ADAMTSL1: variants seen among roughly 807,000 people sequenced by gnomAD.
ADAMTSL1 encodes the protein ADAMTS like 1, also known as ADAMTS-like protein 1.
A neutral mutation model predicts 201.8 loss-of-function variants in ADAMTSL1; 126 were observed. That is an observed-to-expected ratio of 0.62 (90% CI 0.54 to 0.72). The LOEUF is 0.72. ADAMTSL1 is among the 30% of genes least tolerant of loss of function. The probability of loss-of-function intolerance (pLI) is 0.00; values close to 1 mark genes in which losing one functional copy is unlikely to be tolerated. For missense variants in ADAMTSL1, 2,679 were observed against 2,277.8 expected (o/e 1.18, Z -3.59); for synonymous variants, 1,121 against 903.4 (o/e 1.24, Z -4.32).
In ADAMTSL1 at chr9:18,729,856, T is replaced by C. The variant is rs563562095; in HGVS notation, c.2006+8191T>C. Among the ~76,000 whole-genome samples, 75 of 152,300 alleles carry C rather than the reference T, an allele frequency of 4.9e-4. 3 individuals carry two copies. The East Asian group carries it at 0.01, about 21-fold the overall frequency. On this transcript the variant is annotated intron_variant, in intron 15 of 28. Transcript: ENST00000380548. Reference sequence around the variant, plus strand: ...AGTTCTTCATTGCACTAAGAGTTGATGTATCTGTACCAGTTATCAACCTCA... The same window carrying C: ...AGTTCTTCATTGCACTAAGAGTTGACGTATCTGTACCAGTTATCAACCTCA...
At chr9:18,291,872 A>T (rs1833287825) in intron 2 of ADAMTSL1, among the ~76,000 whole-genome samples, 1 of 152,040 alleles carries the variant, frequency 6.6e-6, no homozygotes, top group Non-Finnish European at 1.5e-5. Flanking sequence ...CTGTCTGGTG[A>T]GAGTCTGGCC....
At chr9:18,634,239 TA>T (rs903358474) in intron 5 of ADAMTSL1, among the ~76,000 whole-genome samples, 1 of 152,016 alleles carries the variant, frequency 6.6e-6, no homozygotes, top group African/African-American at 2.4e-5. Flanking sequence ...CTTCCAATGA[TA>T]GGATAATTAT....
chr9:18,266,905 C>T (rs1484758819), intron 2 of ADAMTSL1, among the ~76,000 whole-genome samples: 5 of 152,152 alleles, frequency 3.3e-5, no homozygotes, highest in Admixed American at 1.3e-4. Flanking sequence ...CTTGCAATAA[C>T]TTCTCGAGTC....
chr9:18,410,663 A>G (rs568379650), intron 2 of ADAMTSL1, among the ~76,000 whole-genome samples: 2 of 152,292 alleles, frequency 1.3e-5, no homozygotes, highest in East Asian at 1.9e-4. Flanking sequence ...GCTATTGTAA[A>G]TAGTGCTACA....
At chr9:18,638,544 A>G (rs1042625158) in intron 6 of ADAMTSL1, among the ~76,000 whole-genome samples, 1 of 152,112 alleles carries the variant, frequency 6.6e-6, no homozygotes, top group Non-Finnish European at 1.5e-5. Context: ...CTGATTTTCT[A>G]CAACAAAACA....
rs201351369 is a variant in ADAMTSL1, at chr9:18,680,309, T to G, written c.1137-3T>G. 18 of 1,613,678 alleles carry G rather than the reference T, an allele frequency of 1.1e-5. No individual in the cohort carries two copies. ...GCCCTGATGACTCCCCTTGCTTCTG[T>G]AGGTGGGAGGCCACCCCATGGACCG... On this transcript the variant is annotated splice_region_variant and splice_polypyrimidine_tract_variant and intron_variant, in intron 10 of 28. Coordinates refer to ENST00000380548, the MANE Select transcript of ADAMTSL1 (RefSeq NM_001040272.6).
In ADAMTSL1 at chr9:18,186,081, A is replaced by T. The variant is rs34162850; in HGVS notation, c.207+22100A>T. 2.3e-3 allele frequency among the ~76,000 whole-genome samples: 355 copies of T among 152,270 alleles called. 1 individual carries two copies. Among genetic ancestry groups the T allele is most frequent in the Non-Finnish European group, 4.1e-3 (278 of 68,004 alleles). Reference sequence around the variant, plus strand: ...GTTATGATAAAAGCTTGAGCTGAGAATTCAAGTACCACGTATTTCTGTGCA... The same window carrying T: ...GTTATGATAAAAGCTTGAGCTGAGATTTCAAGTACCACGTATTTCTGTGCA... On this transcript the variant is annotated intron_variant, in intron 2 of 29. Coordinates refer to the ADAMTSL1 transcript ENST00000680146.
intron 1 of ADAMTSL1, among the ~76,000 whole-genome samples, chr9:18,000,279 T>A: frequency 7.2e-6 from 1 of 139,392 alleles, no homozygotes; most frequent in African/African-American, 3.4e-5. Context: ...GTTTCCTGAC[T>A]TTTTAATGAT....
chr9:18,437,736 G>C (rs890945879), intron 2 of ADAMTSL1, among the ~76,000 whole-genome samples: 4 of 152,040 alleles, frequency 2.6e-5, no homozygotes, highest in Non-Finnish European at 4.4e-5. Context: ...CCAGAACAGT[G>C]ATAAGCAAGG....
rs151103863 is a variant in ADAMTSL1 at position 18,423,562 on chromosome 9, G to A, written c.208-81267G>A. ...CTTTTGGAGGCGAGGCATTGTACTA[G>A]GCACTTTGAGGGATGCAGCTCCTTA... On this transcript the variant is annotated intron_variant, in intron 2 of 29. Transcript: ENST00000680146. 9.1e-4 allele frequency among the ~76,000 whole-genome samples: 139 copies of A among 152,294 alleles called. 2 individuals are homozygous for A. The highest frequency in any genetic ancestry group is 3.0e-3 in the African/African-American group (126 of 41,564).
At chr9:18,150,306 G>C (rs768627810) in intron 1 of ADAMTSL1, among the ~76,000 whole-genome samples, 1 of 152,088 alleles carries the variant, frequency 6.6e-6, no homozygotes, top group Non-Finnish European at 1.5e-5. Context: ...ACGGAAGACA[G>C]TCTGAAGGGT....
chr9:18,591,235 A>C (rs1186469601), intron 4 of ADAMTSL1, among the ~76,000 whole-genome samples: 2 of 152,136 alleles, frequency 1.3e-5, no homozygotes, highest in African/African-American at 4.8e-5. Flanking sequence ...CTATTGTTAC[A>C]TCCTCTTGCT....
intron 2 of ADAMTSL1, among the ~76,000 whole-genome samples, chr9:18,298,000 G>A (rs1048987039): frequency 6.6e-6 from 1 of 152,168 alleles, no homozygotes; most frequent in Non-Finnish European, 1.5e-5. Flanking sequence ...AGATGATAAA[G>A]TAGCATCATA....
At chr9:18,065,808 C>T (rs1822668027) in intron 1 of ADAMTSL1, among the ~76,000 whole-genome samples, 1 of 152,068 alleles carries the variant, frequency 6.6e-6, no homozygotes, top group South Asian at 2.1e-4. Flanking sequence ...TGGCAAAACC[C>T]TGTCTCTATT....
At chr9:18,667,912 A>G (rs570173050) in intron 9 of ADAMTSL1, among the ~76,000 whole-genome samples, 1 of 152,284 alleles carries the variant, frequency 6.6e-6, no homozygotes, top group South Asian at 2.1e-4. Flanking sequence ...TATAATGATC[A>G]CAAGAAATTA....
rs1195899992 is a variant in ADAMTSL1 at position 18,829,846 on chromosome 9, C to G, written c.4118C>G (p.Pro1373Arg). ...TCCACCCTCTGCCTTCTCACAGATC[C>G]CCCCCAAGTCCCCACACAGTTGGAA... Reference protein sequence around the residue: ...TESTQLLILDPPQVPTQLEDI... With the variant: ...TESTQLLILDRPQVPTQLEDI... Residue 1373 changes from proline to arginine, a missense_variant, in exon 23 of 29, where the codon CCC becomes CGC. Transcript: ENST00000380548. The G allele has an allele frequency of 6.2e-7, 1 of 1,613,958 alleles. No homozygotes were observed. Among genetic ancestry groups the G allele is most frequent in the East Asian group, 2.2e-5 (1 of 44,876 alleles).
chr9:17,936,927 G>C (rs1827034008), intron 1 of ADAMTSL1, among the ~76,000 whole-genome samples: 2 of 152,138 alleles, frequency 1.3e-5, no homozygotes, highest in Admixed American at 1.3e-4. Context: ...GCATGTTTGG[G>C]TTGGGTTGTT....
chr9:18,190,573 CA>C (rs1407262291), intron 2 of ADAMTSL1, among the ~76,000 whole-genome samples: 1 of 152,126 alleles, frequency 6.6e-6, no homozygotes, highest in Non-Finnish European at 1.5e-5. Flanking sequence ...CAGCTATTTA[CA>C]AGATAAGCAT....
At chr9:18,015,264 G>T (rs1187933805) in intron 1 of ADAMTSL1, among the ~76,000 whole-genome samples, 1 of 152,010 alleles carries the variant, frequency 6.6e-6, no homozygotes, top group Non-Finnish European at 1.5e-5. Flanking sequence ...TGTCTCTGCT[G>T]GGAGGGATCT....
Sources: gnomAD v4.1 joint callset for allele counts (sites outside exome capture counted in the v4.1 genomes callset) on GRCh38, gnomAD v4.1.1 for gene constraint, MANE v1.5 for transcripts, NCBI Gene and HGNC (gene_info 2026-07-23, HGNC 2026-07-21) for gene names.